Variants in NRG1 observed in about 807,000 individuals in gnomAD.
The protein encoded by NRG1 is pro-neuregulin-1, membrane-bound isoform.
Under a neutral mutation model 63.8 loss-of-function variants are expected in NRG1, and 18 were observed. That is an observed-to-expected ratio of 0.28 (90% CI 0.19 to 0.42). The LOEUF (loss-of-function observed/expected upper bound fraction) is 0.42. Among genes scored for constraint, NRG1 ranks in the 10% least tolerant of loss-of-function variants. NRG1 has a pLI of 1.00. For synonymous variants in NRG1, 302 were observed against 301.3 expected (o/e 1.00, Z -0.02); for missense variants, 762 against 814.7 (o/e 0.94, Z 0.79).
chr8:32,211,140 C>G (rs1563913446), intron 1 of NRG1, among the ~76,000 whole-genome samples: 1 of 152,100 alleles, frequency 6.6e-6, no homozygotes, highest in East Asian at 1.9e-4. Flanking sequence ...TCTTATAGCC[C>G]TTTTTGTTGT....
At chr8:31,744,204 C>G (rs1472097965) in intron 1 of NRG1, among the ~76,000 whole-genome samples, 1 of 151,898 alleles carries the variant, frequency 6.6e-6, no homozygotes, top group African/African-American at 2.4e-5. Flanking sequence ...GTGCAGCCAG[C>G]TGTTTGTCTA....
intron 1 of NRG1, among the ~76,000 whole-genome samples, chr8:31,871,980 C>T (rs991282595): frequency 6.6e-6 from 1 of 152,176 alleles, no homozygotes; most frequent in African/African-American, 2.4e-5. Context: ...GTTAGTATTG[C>T]CTCATGTTAA....
At chr8:31,695,289 C>T (rs1809941503) in intron 1 of NRG1, among the ~76,000 whole-genome samples, 1 of 152,198 alleles carries the variant, frequency 6.6e-6, no homozygotes, top group Admixed American at 6.5e-5. Flanking sequence ...TATGCCTCAG[C>T]CTCCCGAGTA....
intron 1 of NRG1, among the ~76,000 whole-genome samples, chr8:31,752,535 T>C (rs922921155): frequency 1.3e-5 from 2 of 152,048 alleles, no homozygotes; most frequent in Non-Finnish European, 2.9e-5. Flanking sequence ...ATGCCAGATA[T>C]CTGTAATCTA....
intron 5 of NRG1, among the ~76,000 whole-genome samples, chr8:32,700,171 C>A (rs1814471079): frequency 6.6e-6 from 1 of 152,044 alleles, no homozygotes; most frequent in African/African-American, 2.4e-5. Flanking sequence ...GTCTTTGGTG[C>A]TTTAGCTAGC....
chr8:31,708,799 C>G, intron 1 of NRG1, among the ~76,000 whole-genome samples: 1 of 152,070 alleles, frequency 6.6e-6, no homozygotes, highest in East Asian at 1.9e-4. Context: ...ACACAAAGCC[C>G]TTTATTACCA....
chr8:31,853,745 G>C (rs1249179416), intron 1 of NRG1, among the ~76,000 whole-genome samples: 1 of 151,526 alleles, frequency 6.6e-6, no homozygotes, highest in Admixed American at 6.6e-5. Context: ...ATTGGCTGTG[G>C]GTTTGTCATA....
chr8:32,268,998 C>T (rs981745249), intron 1 of NRG1, among the ~76,000 whole-genome samples: 1 of 152,108 alleles, frequency 6.6e-6, no homozygotes, highest in African/African-American at 2.4e-5. Context: ...TATTCATTAG[C>T]CAATTTACTT....
At chr8:32,492,636 GA>G (rs369247866) in intron 1 of NRG1, among the ~76,000 whole-genome samples, 1 of 152,196 alleles carries the variant, frequency 6.6e-6, no homozygotes, top group African/African-American at 2.4e-5. Flanking sequence ...TTTCCAAGGT[GA>G]AAAGAAAGAG....
At chr8:32,063,763 C>T (rs899006) in intron 1 of NRG1, among the ~76,000 whole-genome samples, 145,317 of 151,464 alleles carry the variant, frequency 0.96, 69,693 homozygotes, top group East Asian at 1. Context: ...GTTTAATACA[C>T]TTTTTTATGT....
chr8:32,204,362 C>A (rs556146069), intron 1 of NRG1, among the ~76,000 whole-genome samples: 1 of 152,202 alleles, frequency 6.6e-6, no homozygotes, highest in African/African-American at 2.4e-5. Flanking sequence ...TTTACATGAA[C>A]CTATCGTTTT....
At chr8:32,609,458 A>G (rs538758768) in intron 3 of NRG1, among the ~76,000 whole-genome samples, 1 of 151,920 alleles carries the variant, frequency 6.6e-6, no homozygotes, top group Admixed American at 6.6e-5. Context: ...GGGTTTATAA[A>G]TTGCCGCACC....
At chr8:31,643,086 A>G (rs1420254049) in intron 1 of NRG1, among the ~76,000 whole-genome samples, 1 of 152,172 alleles carries the variant, frequency 6.6e-6, no homozygotes, top group Non-Finnish European at 1.5e-5. Context: ...AAAGAAACAC[A>G]GAAAAATGGA....
At chr8:32,292,707 A>G (rs1321946933) in intron 1 of NRG1, among the ~76,000 whole-genome samples, 1 of 152,234 alleles carries the variant, frequency 6.6e-6, no homozygotes, top group East Asian at 1.9e-4. Flanking sequence ...ACACTGAACG[A>G]GGAGTAAAAG....
chr8:31,686,786 T>C (rs1808938378), intron 1 of NRG1, among the ~76,000 whole-genome samples: 1 of 149,094 alleles, frequency 6.7e-6, no homozygotes, highest in Non-Finnish European at 1.5e-5. Context: ...TTTTGTTTTT[T>C]GAGACGGAGT....
intron 1 of NRG1, among the ~76,000 whole-genome samples, chr8:32,414,850 T>C (rs1470373094): frequency 6.6e-6 from 1 of 152,164 alleles, no homozygotes; most frequent in Non-Finnish European, 1.5e-5. Flanking sequence ...TTCGGTTGAA[T>C]CTAGGTTTAG....
At chr8:31,746,829 A>T (rs1815921680) in intron 1 of NRG1, among the ~76,000 whole-genome samples, 1 of 151,998 alleles carries the variant, frequency 6.6e-6, no homozygotes. Context: ...TTTAGCCATA[A>T]CACAGAAGGA....
chr8:32,191,028 A>G (rs1355346366), intron 1 of NRG1, among the ~76,000 whole-genome samples: 2 of 152,154 alleles, frequency 1.3e-5, no homozygotes, highest in Non-Finnish European at 2.9e-5. Context: ...CTTCCCATAG[A>G]TGTTCACTGT....
At chr8:32,138,525 C>G (rs1429460940) in intron 1 of NRG1, among the ~76,000 whole-genome samples, 1 of 151,992 alleles carries the variant, frequency 6.6e-6, no homozygotes, top group South Asian at 2.1e-4. Context: ...TCAGAGCACA[C>G]GCAAGCTCCT....
Sources: allele counts gnomAD v4.1 joint callset (sites outside exome capture counted in the v4.1 genomes callset), GRCh38; gene constraint gnomAD v4.1.1; transcripts MANE v1.5; gene names NCBI Gene and HGNC (gene_info 2026-07-23, HGNC 2026-07-21).